GRIA4: variants seen among roughly 807,000 people sequenced by gnomAD.
GRIA4 encodes the protein glutamate receptor 4.
Under a neutral mutation model 104.0 loss-of-function variants are expected in GRIA4, and 34 were observed. The observed-to-expected ratio is 0.33, with a 90% CI of 0.25 to 0.44. The LOEUF (loss-of-function observed/expected upper bound fraction) is 0.44. GRIA4 is among the 20% of genes least tolerant of loss of function. The pLI is 1.00. For synonymous variants in GRIA4, 386 were observed against 381.9 expected (o/e 1.01, Z -0.13); for missense variants, 750 against 1,096.5 (o/e 0.68, Z 4.46).
intron 3 of GRIA4, among the ~76,000 whole-genome samples, chr11:105,671,950 T>C (rs1451137486): frequency 2.0e-5 from 3 of 152,062 alleles, no homozygotes; most frequent in Non-Finnish European, 2.9e-5. Flanking sequence ...GGATTCTGAG[T>C]GCTGTTTCCG....
At chr11:105,728,964 A>G (rs1591153086) in intron 3 of GRIA4, among the ~76,000 whole-genome samples, 1 of 152,170 alleles carries the variant, frequency 6.6e-6, no homozygotes, top group South Asian at 2.1e-4. Context: ...AAGAGCAAAC[A>G]AATTCAAAAG....
chr11:105,651,932 AT>A (rs1359361330), intron 3 of GRIA4, among the ~76,000 whole-genome samples: 1 of 152,036 alleles, frequency 6.6e-6, no homozygotes, highest in African/African-American at 2.4e-5. Context: ...AAAGTAATGC[AT>A]TTTAAACACC....
intron 3 of GRIA4, among the ~76,000 whole-genome samples, chr11:105,638,278 T>C (rs924302326): frequency 6.6e-6 from 1 of 152,050 alleles, no homozygotes; most frequent in East Asian, 1.9e-4. Flanking sequence ...CAGTGAAAGA[T>C]GGAGTGAAAG....
chr11:105,674,452 A>G (rs1028913685), intron 3 of GRIA4, among the ~76,000 whole-genome samples: 2 of 151,732 alleles, frequency 1.3e-5, no homozygotes, highest in African/African-American at 4.8e-5. Context: ...GTATTGGCTT[A>G]GTTGGAAGAA....
intron 16 of GRIA4, 143 bp from the exon 17 acceptor site, chr11:105,979,432 G>A (rs1439893252): frequency 4.3e-6 from 3 of 704,018 alleles, no homozygotes; most frequent in African/African-American, 3.6e-5. Context: ...TGGATAAGCA[G>A]TTTTCATATG....
chr11:105,880,009 A>C (rs1301404093), intron 5 of GRIA4, among the ~76,000 whole-genome samples: 2 of 152,184 alleles, frequency 1.3e-5, no homozygotes, highest in Non-Finnish European at 2.9e-5. Context: ...GTAATTGTTT[A>C]TGAAAGGAAG....
intron 4 of GRIA4, among the ~76,000 whole-genome samples, chr11:105,771,302 T>C (rs934800055): frequency 1.3e-5 from 2 of 152,112 alleles, no homozygotes; most frequent in African/African-American, 4.8e-5. Context: ...TTTTGAAACA[T>C]TATGCTCCTA....
intron 4 of GRIA4, among the ~76,000 whole-genome samples, chr11:105,852,541 C>T (rs1944849400): frequency 6.6e-6 from 1 of 152,166 alleles, no homozygotes; most frequent in Non-Finnish European, 1.5e-5. Context: ...GAGGCTACCA[C>T]TGATCCCATC....
chr11:105,640,502 C>T (rs1000705720), intron 3 of GRIA4, among the ~76,000 whole-genome samples: 1 of 151,682 alleles, frequency 6.6e-6, no homozygotes, highest in Non-Finnish European at 1.5e-5. Context: ...TTGTTCTATT[C>T]CAGATTAACA....
chr11:105,864,479 T>C (rs1224020770), intron 5 of GRIA4, among the ~76,000 whole-genome samples: 1 of 152,208 alleles, frequency 6.6e-6, no homozygotes, highest in Non-Finnish European at 1.5e-5. Context: ...ATAATCTTGA[T>C]TAGAAAAATG....
chr11:105,909,829 A>C (rs559510641), intron 9 of GRIA4, among the ~76,000 whole-genome samples: 1 of 152,300 alleles, frequency 6.6e-6, no homozygotes, highest in South Asian at 2.1e-4. Flanking sequence ...TTTTAAATGA[A>C]AAACATACAA....
rs73630111 is a variant in GRIA4 at position 105,719,663 on chromosome 11, C to T, written c.248-33318C>T. Among the ~76,000 whole-genome samples the T allele has an allele frequency of 9.3e-3, 1,412 of 152,014 alleles. 24 individuals carry two copies. The highest frequency in any genetic ancestry group is 0.032 in the African/African-American group (1,323 of 41,452). ...GCCTCATGACTCATGGGGCTTTTCTCCGTGAAGTCCCTGAGTAAAGGGACA... is the reference window on the plus strand; with the variant it reads ...GCCTCATGACTCATGGGGCTTTTCTTCGTGAAGTCCCTGAGTAAAGGGACA... On this transcript the variant is annotated intron_variant, in intron 3 of 16. Coordinates refer to ENST00000282499, the MANE Select transcript of GRIA4 (RefSeq NM_000829.4).
At chr11:105,612,709 TTCAA>T in intron 3 of GRIA4, 1 of 320,816 alleles carries the variant, frequency 3.1e-6, no homozygotes, top group Non-Finnish European at 5.6e-6. Context: ...GTCTAGATCA[TTCAA>T]GTTAAATTTT....
At chr11:105,622,221 G>A (rs1333784279) in intron 3 of GRIA4, among the ~76,000 whole-genome samples, 1 of 151,500 alleles carries the variant, frequency 6.6e-6, no homozygotes, top group East Asian at 1.9e-4. Flanking sequence ...CATAAAAAAG[G>A]CATTCCTAGC....
intron 3 of GRIA4, among the ~76,000 whole-genome samples, chr11:105,635,923 A>G (rs147705741): frequency 5.9e-5 from 9 of 152,350 alleles, no homozygotes; most frequent in African/African-American, 2.2e-4. Flanking sequence ...TATAGAAGAT[A>G]ATCTCTGTAG....
intron 3 of GRIA4, among the ~76,000 whole-genome samples, chr11:105,737,348 A>G (rs964080324): frequency 1.3e-5 from 2 of 152,100 alleles, no homozygotes; most frequent in African/African-American, 4.8e-5. Flanking sequence ...ATTATATTCT[A>G]GAAGGGGAAG....
chr11:105,710,023 C>T (rs1229922106), intron 3 of GRIA4, among the ~76,000 whole-genome samples: 1 of 152,104 alleles, frequency 6.6e-6, no homozygotes, highest in African/African-American at 2.4e-5. Context: ...ATTTAAGATT[C>T]TCAATTCATC....
chr11:105,935,416 A>T (rs992782761), intron 14 of GRIA4, among the ~76,000 whole-genome samples: 1 of 152,190 alleles, frequency 6.6e-6, no homozygotes, highest in African/African-American at 2.4e-5. Flanking sequence ...ACCCAAAAAC[A>T]ATTTCAACTA....
intron 7 of GRIA4, among the ~76,000 whole-genome samples, chr11:105,900,397 C>G (rs948731359): frequency 2.0e-5 from 3 of 152,218 alleles, no homozygotes; most frequent in East Asian, 3.9e-4. Context: ...TCCTCTGCCT[C>G]CTTTCTGATG....
Sources: gnomAD v4.1 joint callset for allele counts (sites outside exome capture counted in the v4.1 genomes callset) on GRCh38, gnomAD v4.1.1 for gene constraint, MANE v1.5 for transcripts, NCBI Gene and HGNC (gene_info 2026-07-23, HGNC 2026-07-21) for gene names.